Variants in ADAMTS8 observed in about 807,000 individuals in gnomAD.
The protein encoded by ADAMTS8 is ADAM metallopeptidase with thrombospondin type 1 motif 8, also known as A disintegrin and metalloproteinase with thrombospondin motifs 8.
In ADAMTS8, 50 loss-of-function variants were observed where a neutral mutation model predicts 64.4. The observed-to-expected ratio is 0.78, with a 90% confidence interval of 0.62 to 0.98. The LOEUF is 0.98. Among genes scored for constraint, ADAMTS8 ranks in the 50% least tolerant of loss-of-function variants. The pLI is 0.00. For synonymous variants in ADAMTS8, 556 were observed against 533.6 expected (o/e 1.04, Z -0.58); for missense variants, 1,192 against 1,208.2 (o/e 0.99, Z 0.20).
Position 130,405,344 on chromosome 11 carries a change from A to T in ADAMTS8, c.*214T>A. On this transcript the variant is annotated 3_prime_UTR_variant, in exon 9 of 9. Coordinates refer to ENST00000257359, the MANE Select transcript of ADAMTS8 (RefSeq NM_007037.6). ...CTTGAACCCGAGCAAGGTCCAGTCC[A>T]CTGGACAGTTGATGATAGGGTCTGC... 1 of 1,375,770 alleles carries T rather than the reference A, an allele frequency of 7.3e-7. No individual in the cohort carries two copies. 85.2% of individuals were successfully genotyped at this position (1,375,770 alleles called of 1,614,324 possible).
chr11:130,419,456 A>G (rs893878576), intron 1 of ADAMTS8, among the ~76,000 whole-genome samples, 164 bp from the exon 2 acceptor site: 4 of 152,272 alleles, frequency 2.6e-5, no homozygotes, highest in Non-Finnish European at 5.9e-5. Context: ...TTCATTTTGC[A>G]TGTGAGAAAA....
intron 8 of ADAMTS8, 73 bp from the exon 9 acceptor site, chr11:130,406,201 T>A: frequency 6.6e-7 from 1 of 1,515,590 alleles, no homozygotes; most frequent in Non-Finnish European, 8.8e-7. Context: ...CCTTGGAGAC[T>A]GAAGTGGGCA....
intron 6 of ADAMTS8, among the ~76,000 whole-genome samples, chr11:130,410,882 G>A (rs1015628206): frequency 2.0e-5 from 3 of 152,290 alleles, no homozygotes; most frequent in East Asian, 3.9e-4. Context: ...GGGAAGATGG[G>A]CAACTCTTCT....
rs1041505796 is a variant in ADAMTS8 at position 130,405,008 on chromosome 11, C to T, written c.*550G>A. 1 of 986,730 alleles carries T rather than the reference C, an allele frequency of 1.0e-6. No individual in the cohort carries two copies. Among genetic ancestry groups the T allele is most frequent in the Non-Finnish European group, 1.2e-6 (1 of 830,640 alleles). 61.1% of individuals were successfully genotyped at this position (986,730 alleles called of 1,614,324 possible). Reference sequence around the variant, plus strand: ...ACCCCTGCAGGTGGCAGCCTGAGAACATGTGGCTCTCCAAACCCTGCGACG... The same window carrying T: ...ACCCCTGCAGGTGGCAGCCTGAGAATATGTGGCTCTCCAAACCCTGCGACG... On this transcript the variant is annotated 3_prime_UTR_variant, in exon 9 of 9. Coordinates refer to ENST00000257359, the MANE Select transcript of ADAMTS8 (RefSeq NM_007037.6).
In ADAMTS8 at chr11:130,417,408, C is replaced by A. The variant is rs187638092; in HGVS notation, c.961-333G>T. On this transcript the variant is annotated intron_variant, in intron 2 of 8. Coordinates refer to ENST00000257359, the MANE Select transcript of ADAMTS8 (RefSeq NM_007037.6). ...AGTAGTTAGGACTACAGGCGTGCAC[C>A]ACCACACCTGGCTAATTTTTGTATT... 6.3e-3 allele frequency among the ~76,000 whole-genome samples: 960 copies of A among 152,014 alleles called. 21 individuals carry two copies. Among genetic ancestry groups the A allele is most frequent in the Admixed American group, 0.051 (779 of 15,268 alleles).
Position 130,416,178 on chromosome 11 carries a change from G to A in ADAMTS8, c.1249C>T (p.Leu417=). 6.3e-7 allele frequency: 1 copy of A among 1,589,632 alleles called. No individual in the cohort carries two copies. The highest frequency in any genetic ancestry group is 8.6e-7 in the Non-Finnish European group (1 of 1,167,058). The change falls in exon 4 of 9, where the codon CTG becomes TTG. Residue 417 remains leucine, a synonymous_variant. Transcript: ENST00000257359. The surrounding 1 kb of genome is among the most constrained non-coding windows in gnomAD (Gnocchi z 4.8). ...CGGTGCCTACCGTGCCCGCCGTCCA[G>A]AAGCTCTGTGAGATACATGGCGCTG... ...PCSAMYLTEL[L]DGGHGDCLLD... is the part of the protein sequence containing the mutation.
At chr11:130,406,587 G>A (rs541308788) in intron 8 of ADAMTS8, among the ~76,000 whole-genome samples, 2 of 151,912 alleles carry the variant, frequency 1.3e-5, no homozygotes, top group South Asian at 2.1e-4. Context: ...CTTCCAGAAC[G>A]TGAACAGGAG....
At chr11:130,413,274 T>A (rs542892371) in intron 5 of ADAMTS8, among the ~76,000 whole-genome samples, 3 of 152,330 alleles carry the variant, frequency 2.0e-5, no homozygotes, top group African/African-American at 7.2e-5. Flanking sequence ...GCTCTGGGAT[T>A]GGTGGCAGAT....
In ADAMTS8 at chr11:130,427,579, C is replaced by T; in HGVS notation, c.708G>A (p.Gly236=). ...VADASMAAFY[G]ADLQNHILTL... is the part of the protein sequence containing the mutation. Reference sequence around the variant, plus strand: ...CTCTCAGTCCTACCTGCAGGTCGGCCCCGTAGAAGGCAGCCATGGACGCAT... The same window carrying T: ...CTCTCAGTCCTACCTGCAGGTCGGCTCCGTAGAAGGCAGCCATGGACGCAT... The change falls in exon 1 of 9, where the codon GGG becomes GGA. Residue 236 remains glycine (G), a synonymous_variant. Transcript: ENST00000257359. The T allele has an allele frequency of 3.2e-6, 5 of 1,539,354 alleles. No homozygotes were observed. Among genetic ancestry groups the T allele is most frequent in the South Asian group, 1.2e-5 (1 of 84,052 alleles).
chr11:130,420,129 G>A (rs1188505018), intron 1 of ADAMTS8, among the ~76,000 whole-genome samples: 4 of 152,180 alleles, frequency 2.6e-5, no homozygotes, highest in African/African-American at 4.8e-5. Flanking sequence ...AGGTTTCCCC[G>A]GGCGTGGCTT....
chr11:130,425,996 T>A (rs1016850838), intron 1 of ADAMTS8, among the ~76,000 whole-genome samples: 5 of 152,106 alleles, frequency 3.3e-5, no homozygotes, highest in Non-Finnish European at 7.4e-5. Flanking sequence ...CCTGCCACAC[T>A]CTCTAGTACT....
At chr11:130,410,588 C>A (rs1861940248) in intron 6 of ADAMTS8, among the ~76,000 whole-genome samples, 1 of 152,218 alleles carries the variant, frequency 6.6e-6, no homozygotes, top group Non-Finnish European at 1.5e-5. Flanking sequence ...GAGACATCAA[C>A]CCAATGCCAG....
In ADAMTS8 at chr11:130,427,612, C is replaced by T; in HGVS notation, c.675G>A (p.Leu225=). 1 of 1,550,596 alleles carries T rather than the reference C, an allele frequency of 6.4e-7. No individual in the cohort carries two copies. Among genetic ancestry groups the T allele is most frequent in the Non-Finnish European group, 8.7e-7 (1 of 1,151,282 alleles). Residue 225 remains leucine, a synonymous_variant, in exon 1 of 9, where the codon CTG becomes CTA. Coordinates refer to ENST00000257359, the MANE Select transcript of ADAMTS8 (RefSeq NM_007037.6). ...AGGCAGCCATGGACGCATCGGCCAC[C>T]AGCAGCGTCTCCACGAAGCGCGCCT... ...VSEARFVETL[L]VADASMAAFY...
intron 2 of ADAMTS8, among the ~76,000 whole-genome samples, chr11:130,418,410 G>A (rs1407835325): frequency 3.3e-5 from 5 of 152,216 alleles, no homozygotes; most frequent in African/African-American, 1.2e-4. Context: ...TGTGGGGACA[G>A]GACAGCACAG....
chr11:130,424,609 C>G (rs1181000233), intron 1 of ADAMTS8, among the ~76,000 whole-genome samples: 1 of 152,188 alleles, frequency 6.6e-6, no homozygotes, highest in Admixed American at 6.5e-5. Context: ...AATGAGGTCT[C>G]CACATAAAGG....
Position 130,428,126 on chromosome 11 carries a change from G to T in ADAMTS8, c.161C>A (p.Ala54Glu). The T allele has an allele frequency of 6.6e-7, 1 of 1,509,784 alleles. No individual in the cohort carries two copies. The highest frequency in any genetic ancestry group is 1.2e-5 in the South Asian group (1 of 81,436). The allele number at this position is 1,509,784 out of a possible 1,614,324, so 93.5% of individuals were successfully genotyped here. The change falls in exon 1 of 9, where the codon GCG (alanine) becomes GAG (glutamate). Residue 54 changes from alanine to glutamate, a missense_variant. By Grantham distance (107) the Ala-to-Glu change is moderately radical. This residue lies in a region of ADAMTS8 where 741 missense variants were observed against 710.6 expected (regional missense o/e 1.04). Coordinates refer to ENST00000257359, the MANE Select transcript of ADAMTS8 (RefSeq NM_007037.6). Reference protein sequence around the residue: ...TRLPGSAGELALHLSAFGKGF... With the variant: ...TRLPGSAGELELHLSAFGKGF... ...CTTGCCGAAGGCGGACAGGTGGAGC[G>T]CGAGCTCGCCCGCGCTGCCGGGCAA...
chr11:130,413,031 TG>T, intron 5 of ADAMTS8, among the ~76,000 whole-genome samples: 1 of 152,170 alleles, frequency 6.6e-6, no homozygotes, highest in African/African-American at 2.4e-5. Context: ...CCACCACACT[TG>T]GCTAATTGTT....
Position 130,405,167 on chromosome 11 carries a change from A to T in ADAMTS8, c.*391T>A, listed in dbSNP as rs1263862117. 1.4e-5 allele frequency: 14 copies of T among 1,007,342 alleles called. No homozygotes were observed. The highest frequency in any genetic ancestry group is 1.2e-4 in the African/African-American group (7 of 57,808). 62.4% of individuals were successfully genotyped at this position (1,007,342 alleles called of 1,614,324 possible). On this transcript the variant is annotated 3_prime_UTR_variant, in exon 9 of 9. Transcript: ENST00000257359. ...CCTGCCCCACGCCTCTCTTGTACTA[A>T]TTTTTTCCCCTGTGAGGTAGATTAT...
Position 130,414,554 on chromosome 11 carries a change from C to G in ADAMTS8, c.1543G>C (p.Glu515Gln). 6.2e-7 allele frequency: 1 copy of G among 1,605,966 alleles called. No individual in the cohort carries two copies. Among genetic ancestry groups the G allele is most frequent in the South Asian group, 1.1e-5 (1 of 90,566 alleles). The change falls in exon 5 of 9, where the codon GAG (glutamate) becomes CAG (glutamine). Residue 515 changes from glutamate to glutamine, a missense_variant. Physicochemically the swap from Glu to Gln is conservative, Grantham distance 29. This residue lies in a region of ADAMTS8 where 10 missense variants were observed against 27.4 expected (regional missense o/e 0.37). Coordinates refer to ENST00000257359, the MANE Select transcript of ADAMTS8 (RefSeq NM_007037.6). ...HLCSEGSCLP[E>Q]EEVERPKPVA... Reference sequence around the variant, plus strand: ...ACCTTGGGCCTCTCCACTTCCTCCTCAGGTAGACAGCTGCCTTCTGAGCAG... The same window carrying G: ...ACCTTGGGCCTCTCCACTTCCTCCTGAGGTAGACAGCTGCCTTCTGAGCAG...
Sources: allele counts gnomAD v4.1 joint callset (sites outside exome capture counted in the v4.1 genomes callset), GRCh38; gene constraint gnomAD v4.1.1; regional missense constraint gnomAD v4.1.1; non-coding constraint Gnocchi (gnomAD v3.1); transcripts MANE v1.5; gene names NCBI Gene and HGNC (gene_info 2026-07-23, HGNC 2026-07-21).